The following CTSK variants were observed in gnomAD, a reference collection of about 807,000 sequenced individuals.
CTSK encodes the protein cathepsin O.
Under a neutral mutation model 40.5 loss-of-function variants are expected in CTSK, and 26 were observed. That is an observed-to-expected ratio of 0.64 (90% CI 0.47 to 0.89). The LOEUF is 0.89. CTSK is among the 40% of genes least tolerant of loss of function. CTSK has a pLI of 0.00. For synonymous variants in CTSK, 132 were observed against 143.2 expected (o/e 0.92, Z 0.56); for missense variants, 292 against 400.1 (o/e 0.73, Z 2.30).
chr1:150,799,392 A>T, intron 6 of CTSK, 119 bp from the exon 7 acceptor site: 2 of 1,191,842 alleles, frequency 1.7e-6, no homozygotes, highest in Non-Finnish European at 2.5e-6. Context: ...TACCACAGAG[A>T]TGCTGCTCCA....
Position 150,805,843 on chromosome 1 carries a change from C to G in CTSK, c.399+18G>C, listed in dbSNP as rs1228038060. 1.2e-6 allele frequency: 2 copies of G among 1,613,778 alleles called. No individual in the cohort carries two copies. Among genetic ancestry groups the G allele is most frequent in the East Asian group, 2.2e-5 (1 of 44,872 alleles). On this transcript the variant is annotated intron_variant, in intron 4 of 7. Transcript: ENST00000271651. ...TCATGCCAGATTACATATGCACACCCAGAAGAAAGGAGAGTACCTGATTTT... is the reference window on the plus strand; with the variant it reads ...TCATGCCAGATTACATATGCACACCGAGAAGAAAGGAGAGTACCTGATTTT...
chr1:150,796,958 T>A, intron 7 of CTSK, 60 bp from the exon 8 acceptor site: 1 of 1,162,322 alleles, frequency 8.6e-7, no homozygotes, highest in Non-Finnish European at 1.3e-6. Context: ...ATTAAAATAT[T>A]TACTGAGTAT....
rs1371765982 is a variant in CTSK, at chr1:150,796,474, C to G, written c.*325G>C. The G allele has an allele frequency of 2.2e-6, 1 of 464,298 alleles. No homozygotes were observed. The highest frequency in any genetic ancestry group is 4.3e-5 in the East Asian group (1 of 23,506). 28.8% of individuals were successfully genotyped at this position (464,298 alleles called of 1,614,324 possible). A position where few individuals can be genotyped will look rare whatever the true frequency, so the allele number is the denominator to read the frequency against. On this transcript the variant is annotated 3_prime_UTR_variant, in exon 8 of 8. Transcript: ENST00000271651. ...CTAGTCCCGTGAATGAGAATCTAACCTATGTGAAAATCTCCAGCCTGTACC... is the reference window on the plus strand; with the variant it reads ...CTAGTCCCGTGAATGAGAATCTAACGTATGTGAAAATCTCCAGCCTGTACC...
At chr1:150,806,899 A>C in intron 1 of CTSK, 93 bp from the exon 2 acceptor site, 1 of 1,472,784 alleles carries the variant, frequency 6.8e-7, no homozygotes, top group Non-Finnish European at 9.4e-7. Flanking sequence ...TAGACGGAAA[A>C]AGGGTGATAA....
chr1:150,804,104 C>T lies in CTSK; in HGVS notation c.535G>A (p.Gly179Arg), dbSNP rs200839013. Residue 179 changes from glycine to arginine, a missense_variant, in exon 5 of 8, where the codon GGG (glycine) becomes AGG (arginine). By Grantham distance (125) the Gly-to-Arg change is moderately radical. Coordinates refer to ENST00000271651, the MANE Select transcript of CTSK (RefSeq NM_000396.4). ...TGGAAGGCATTGGTCATGTAGCCCC[C>T]TCCACAGCCATCATTCTCAGACACA... is the stretch of plus-strand genomic sequence containing the variant. ...DCVSENDGCGGGYMTNAFQYV... is the reference protein window; with the variant it reads ...DCVSENDGCGRGYMTNAFQYV... 1 of 1,614,182 alleles carries T rather than the reference C, an allele frequency of 6.2e-7. No individual in the cohort carries two copies. The highest frequency in any genetic ancestry group is 8.5e-7 in the Non-Finnish European group (1 of 1,180,026).
chr1:150,804,129 A>C lies in CTSK; in HGVS notation c.510T>G (p.Cys170Trp). The C allele has an allele frequency of 6.2e-7, 1 of 1,614,142 alleles. No homozygotes were observed. Among genetic ancestry groups the C allele is most frequent in the East Asian group, 2.2e-5 (1 of 44,876 alleles). The change falls in exon 5 of 8, where the codon TGT (cysteine) becomes TGG (tryptophan). Residue 170 changes from cysteine to tryptophan, a missense_variant. Coordinates refer to ENST00000271651, the MANE Select transcript of CTSK (RefSeq NM_000396.4). ...CTCCACAGCCATCATTCTCAGACAC[A>C]CAATCCACTAGGTTCTGGGGACTCA... ...LNLSPQNLVD[C>W]VSENDGCGGG...
At chr1:150,803,547 G>C (rs1654031971) in intron 5 of CTSK, among the ~76,000 whole-genome samples, 1 of 152,128 alleles carries the variant, frequency 6.6e-6, no homozygotes, top group African/African-American at 2.4e-5. Flanking sequence ...CATGCAGGAG[G>C]AACTGAGTTA....
At chr1:150,808,123 T>G (rs1267597702) in intron 1 of CTSK, 91 bp downstream of exon 1, 1 of 152,152 alleles carries the variant, frequency 6.6e-6, no homozygotes, top group Non-Finnish European at 1.5e-5. Context: ...AGGCTAAAAG[T>G]TTATTGTGAT....
chr1:150,799,747 C>A (rs1250659600), intron 5 of CTSK, 38 bp from the exon 6 acceptor site: 3 of 1,590,748 alleles, frequency 1.9e-6, no homozygotes, highest in Non-Finnish European at 2.6e-6. Flanking sequence ...TAGGACAAAG[C>A]AATAGGCAAT....
In CTSK at chr1:150,799,189, T is replaced by C. The variant is rs752859354; in HGVS notation, c.869A>G (p.Lys290Arg). 6.2e-7 allele frequency: 1 copy of C among 1,610,430 alleles called. No individual in the cohort carries two copies. The highest frequency in any genetic ancestry group is 8.5e-7 in the Non-Finnish European group (1 of 1,176,498). ...TTACCTGTTTTTAATTATCCAGTGCTTGTTTCCCTTCTGGATTCCATATCC... is the reference window on the plus strand; with the variant it reads ...TTACCTGTTTTTAATTATCCAGTGCCTGTTTCCCTTCTGGATTCCATATCC... Reference protein sequence around the residue: ...AVGYGIQKGNKHWIIKNSWGE... With the variant: ...AVGYGIQKGNRHWIIKNSWGE... Residue 290 changes from lysine (K) to arginine (R), a missense_variant, in exon 7 of 8, where the codon AAG (lysine) becomes AGG (arginine). By Grantham distance (26) the Lys-to-Arg change is conservative. Transcript: ENST00000271651.
At position 150,799,815 on chromosome 1, in the gene CTSK, G is replaced by A; in HGVS notation, c.619-106C>T. On this transcript the variant is annotated intron_variant, in intron 5 of 7. Coordinates refer to ENST00000271651, the MANE Select transcript of CTSK (RefSeq NM_000396.4). ...TGAGTGATGCCAGTGAACTAACAGAGGCAGCAGTCTAGGGTTTCTAGAGAG... is the reference window on the plus strand; with the variant it reads ...TGAGTGATGCCAGTGAACTAACAGAAGCAGCAGTCTAGGGTTTCTAGAGAG... 7.5e-6 allele frequency: 8 copies of A among 1,069,732 alleles called. 1 individual carries two copies. In the South Asian group the frequency reaches 1.0e-4, roughly 13 times the overall value. The allele number at this position is 1,069,732 out of a possible 1,614,324, so 66.3% of individuals were successfully genotyped here. A position where few individuals can be genotyped will look rare whatever the true frequency, so the allele number is the denominator to read the frequency against.
At position 150,799,658 on chromosome 1, in the gene CTSK, A is replaced by G. The variant is rs200635611; in HGVS notation, c.670T>C (p.Tyr224His). ...TCATTCCCCTCGGGGATCTCTCTGTACCCTCTGCATTTAGCTGCCTTGCCT... is the reference window on the plus strand; with the variant it reads ...TCATTCCCCTCGGGGATCTCTCTGTGCCCTCTGCATTTAGCTGCCTTGCCT... Reference protein sequence around the residue: ...PTGKAAKCRGYREIPEGNEKA... With the variant: ...PTGKAAKCRGHREIPEGNEKA... The change falls in exon 6 of 8, where the codon TAC (tyrosine) becomes CAC (histidine). Residue 224 changes from tyrosine to histidine, a missense_variant. Coordinates refer to ENST00000271651, the MANE Select transcript of CTSK (RefSeq NM_000396.4). The G allele has an allele frequency of 3.7e-6, 6 of 1,614,068 alleles. No individual in the cohort carries two copies. In the East Asian group the frequency reaches 1.3e-4, roughly 36 times the overall value.
chr1:150,800,070 G>A (rs1283373669), intron 5 of CTSK, among the ~76,000 whole-genome samples: 2 of 151,640 alleles, frequency 1.3e-5, no homozygotes, highest in Non-Finnish European at 2.9e-5. Flanking sequence ...GGTAGCGGGC[G>A]CCTGTAGTCC....
Position 150,796,296 on chromosome 1 carries a change from T to C in CTSK, c.*503A>G, listed in dbSNP as rs1038590435. ...TGCAAAGAAGGGAAGACAAATCACA[T>C]TTCTTTTTATCATGTAAACTTGTAC... On this transcript the variant is annotated 3_prime_UTR_variant, in exon 8 of 8. Transcript: ENST00000271651. 1 of 177,052 alleles carries C rather than the reference T, an allele frequency of 5.6e-6. No homozygotes were observed. Among genetic ancestry groups the C allele is most frequent in the African/African-American group, 2.4e-5 (1 of 41,878 alleles). 11.0% of individuals were successfully genotyped at this position (177,052 alleles called of 1,614,324 possible).
At chr1:150,799,407 G>T in intron 6 of CTSK, 134 bp from the exon 7 acceptor site, 2 of 1,220,162 alleles carry the variant, frequency 1.6e-6, no homozygotes, top group African/African-American at 1.5e-5. Flanking sequence ...GCTCCATACT[G>T]CAGCAGTTGT....
chr1:150,806,208 C>A lies in CTSK; in HGVS notation c.137G>T (p.Arg46Leu), dbSNP rs200870056. 1 of 1,613,806 alleles carries A rather than the reference C, an allele frequency of 6.2e-7. No homozygotes were observed. Among genetic ancestry groups the A allele is most frequent in the African/African-American group, 1.3e-5 (1 of 74,862 alleles). The change falls in exon 3 of 8, where the codon CGG becomes CTG. Residue 46 changes from arginine (R) to leucine (L), a missense_variant. Coordinates refer to ENST00000271651, the MANE Select transcript of CTSK (RefSeq NM_000396.4). Reference protein sequence around the residue: ...QYNNKVDEISRRLIWEKNLKY... With the variant: ...QYNNKVDEISLRLIWEKNLKY... The stretch of plus-strand genomic sequence containing the variant: ...CAGGTTTTTTTCCCAAATTAAACGC[C>A]GAGAGATTTCATCCACCTAAACAAA...
At chr1:150,803,963 C>T (rs994485777) in intron 5 of CTSK, 58 bp downstream of exon 5, 5 of 1,385,832 alleles carry the variant, frequency 3.6e-6, no homozygotes, top group African/African-American at 2.8e-5. Context: ...CAGTACAAAA[C>T]ATCATGCTGG....
intron 7 of CTSK, 58 bp downstream of exon 7, chr1:150,799,110 G>A: frequency 2.7e-6 from 3 of 1,106,182 alleles, no homozygotes; most frequent in Non-Finnish European, 4.2e-6. Context: ...GGAAGCTGGA[G>A]GTGAGGTTGA....
intron 1 of CTSK, 143 bp from the exon 2 acceptor site, chr1:150,806,949 G>C: frequency 1.0e-6 from 1 of 979,258 alleles, no homozygotes; most frequent in Non-Finnish European, 1.6e-6. Flanking sequence ...TAGATAGGAT[G>C]CTGGTACATC....
Sources: allele counts gnomAD v4.1 joint callset (sites outside exome capture counted in the v4.1 genomes callset), GRCh38; gene constraint gnomAD v4.1.1; transcripts MANE v1.5; gene names NCBI Gene and HGNC (gene_info 2026-07-23, HGNC 2026-07-21).